Variants in VPS53 observed in about 807,000 individuals in gnomAD.
VPS53 encodes VPS53 subunit of GARP complex.
A neutral mutation model predicts 107.0 loss-of-function variants in VPS53; 70 were observed. The observed-to-expected ratio is 0.65, with a 90% CI of 0.54 to 0.80. The LOEUF (loss-of-function observed/expected upper bound fraction) is 0.80. Ranked by LOEUF, VPS53 falls within the 30% of genes least tolerant of loss-of-function variation. The pLI is 0.00. For missense variants in VPS53, 917 were observed against 1,049.4 expected (o/e 0.87, Z 1.74); for synonymous variants, 409 against 393.3 (o/e 1.04, Z -0.47).
At chr17:547,061 G>A (rs2151830394) in intron 17 of VPS53, among the ~76,000 whole-genome samples, 1 of 152,102 alleles carries the variant, frequency 6.6e-6, no homozygotes, top group Admixed American at 6.5e-5. Context: ...ATTTTTATTA[G>A]AGACAGGGTT....
At chr17:602,551 A>C (rs1304049451) in intron 11 of VPS53, among the ~76,000 whole-genome samples, 1 of 152,224 alleles carries the variant, frequency 6.6e-6, no homozygotes, top group Non-Finnish European at 1.5e-5. Flanking sequence ...CACTATTTCA[A>C]AATACATCAC....
At chr17:707,520 CAAAA>C (rs59159505) in intron 2 of VPS53, among the ~76,000 whole-genome samples, 6 of 95,384 alleles carry the variant, frequency 6.3e-5, no homozygotes, top group Non-Finnish European at 6.5e-5. Flanking sequence ...GACTTTGTCT[CAAAA>C]AAAAAAAAAA....
At chr17:612,948 A>G (rs1968961736) in intron 11 of VPS53, among the ~76,000 whole-genome samples, 1 of 151,406 alleles carries the variant, frequency 6.6e-6, no homozygotes, top group Non-Finnish European at 1.5e-5. Flanking sequence ...GTATTCAAAT[A>G]GTGAATTCAC....
intron 4 of VPS53, among the ~76,000 whole-genome samples, chr17:663,050 A>T (rs987538138): frequency 6.6e-6 from 1 of 152,016 alleles, no homozygotes; most frequent in Non-Finnish European, 1.5e-5. Flanking sequence ...TGCAAAAAAA[A>T]AAGTTAGCCA....
Position 519,248 on chromosome 17 carries a change from C to T in VPS53, c.2379G>A (p.Arg793=), listed in dbSNP as rs1488599454. ...QSSMLELLRQ[R]LPAPPSGAES... ...CTGCCCCCGAGGGCGGTGCGGGGAG[C>T]CGCTGGCGCAGGAGTTCCAGCATGC... Residue 793 remains arginine, a synonymous_variant, in exon 22 of 22, where the codon CGG becomes CGA. Coordinates refer to ENST00000437048, the MANE Select transcript of VPS53 (RefSeq NM_001128159.3). This position sits in a 1 kb window ranked among gnomAD's most constrained non-coding sequence, Gnocchi z 5.0. 1.3e-6 allele frequency: 2 copies of T among 1,542,074 alleles called. No individual in the cohort carries two copies. Among genetic ancestry groups the T allele is most frequent in the East Asian group, 2.5e-5 (1 of 40,778 alleles).
In VPS53 at chr17:555,060, G is replaced by C. The variant is rs576929763; in HGVS notation, c.1705-1598C>G. ...AACAATCTACATGTGTATTTACAAA[G>C]GATAAAACAAATTATGGCACAGGCT... On this transcript the variant is annotated intron_variant, in intron 15 of 21. Transcript: ENST00000437048. Among the ~76,000 whole-genome samples the C allele has an allele frequency of 1.2e-3, 188 of 152,268 alleles. 2 individuals carry two copies. Among genetic ancestry groups the C allele is most frequent in the African/African-American group, 4.2e-3 (175 of 41,570 alleles).
intron 12 of VPS53, among the ~76,000 whole-genome samples, chr17:587,340 G>A (rs1045923940): frequency 2.0e-5 from 3 of 152,214 alleles, no homozygotes; most frequent in Non-Finnish European, 4.4e-5. Context: ...TGGGCTTATA[G>A]GCATGAGGCA....
intron 17 of VPS53, among the ~76,000 whole-genome samples, chr17:541,758 AGGACCTACCAC>A (rs1452384656): frequency 1.3e-3 from 199 of 148,572 alleles, no homozygotes; most frequent in Middle Eastern, 7.3e-3. Flanking sequence ...ATGTTTATCA[AGGACCTACCAC>A]GCACCGGGCG....
At chr17:669,828 G>A (rs893090747) in intron 4 of VPS53, among the ~76,000 whole-genome samples, 2 of 151,634 alleles carry the variant, frequency 1.3e-5, no homozygotes, top group African/African-American at 2.4e-5. Context: ...GGAGTCGGAG[G>A]TTGCAGTGAG....
chr17:586,028 G>T (rs1439880612), intron 13 of VPS53, among the ~76,000 whole-genome samples: 2 of 152,144 alleles, frequency 1.3e-5, no homozygotes. Flanking sequence ...CATAGGAAGG[G>T]ATCCCAATGT....
intron 4 of VPS53, chr17:673,583 TC>T (rs1381299454): frequency 6.6e-6 from 1 of 152,198 alleles, no homozygotes; most frequent in Admixed American, 6.5e-5. Context: ...GCTCTTTGCT[TC>T]CCTACGTGTC....
chr17:555,930 T>G (rs1294589928), intron 15 of VPS53, among the ~76,000 whole-genome samples: 1 of 152,082 alleles, frequency 6.6e-6, no homozygotes, highest in Non-Finnish European at 1.5e-5. Context: ...ACAGTTTCTT[T>G]AAGAAAAGAT....
intron 13 of VPS53, among the ~76,000 whole-genome samples, chr17:564,190 T>C (rs1400475585): frequency 6.6e-6 from 1 of 151,726 alleles, no homozygotes; most frequent in Non-Finnish European, 1.5e-5. Flanking sequence ...AGGCCAGGAG[T>C]TCGAGACCAG....
chr17:525,967 A>G (rs9807033), intron 19 of VPS53, among the ~76,000 whole-genome samples: 21,647 of 145,866 alleles, frequency 0.15, 4,017 homozygotes, highest in African/African-American at 0.43. Context: ...ATTGTACTCC[A>G]GACTGGGCAA....
intron 7 of VPS53, among the ~76,000 whole-genome samples, chr17:641,260 A>G (rs543085814): frequency 1.3e-5 from 2 of 152,336 alleles, no homozygotes; most frequent in Non-Finnish European, 2.9e-5. Context: ...CCTCAATCCC[A>G]TGCATTTTCA....
At chr17:563,602 T>G (rs146758822) in intron 13 of VPS53, among the ~76,000 whole-genome samples, 277 of 152,340 alleles carry the variant, frequency 1.8e-3, no homozygotes, top group Middle Eastern at 6.8e-3. Flanking sequence ...CCAGCTCATT[T>G]ACTTTTTACA....
chr17:611,945 G>A (rs1245023828), intron 11 of VPS53, among the ~76,000 whole-genome samples: 3 of 149,768 alleles, frequency 2.0e-5, no homozygotes, highest in Admixed American at 6.7e-5. Flanking sequence ...AACCTGTACA[G>A]ATATTCACAT....
chr17:575,302 T>A (rs567223649), intron 13 of VPS53, among the ~76,000 whole-genome samples: 1 of 152,350 alleles, frequency 6.6e-6, no homozygotes, highest in Admixed American at 6.5e-5. Context: ...TGTCTTACTG[T>A]TACGGTTTAA....
intron 14 of VPS53, among the ~76,000 whole-genome samples, chr17:561,900 C>A (rs959203942): frequency 1.3e-5 from 2 of 152,128 alleles, no homozygotes; most frequent in African/African-American, 2.4e-5. Context: ...CCAATCCTAC[C>A]GCATCTTCAA....
Sources: gnomAD v4.1 joint callset for allele counts (sites outside exome capture counted in the v4.1 genomes callset) on GRCh38, gnomAD v4.1.1 for gene constraint, Gnocchi (gnomAD v3.1) non-coding constraint, MANE v1.5 for transcripts, NCBI Gene and HGNC (gene_info 2026-07-23, HGNC 2026-07-21) for gene names.